Variants in AGAP5 observed in about 807,000 individuals in gnomAD.
The protein encoded by AGAP5 is arf-GAP with GTPase, ANK repeat and PH domain-containing protein 5.
AGAP5 carries 8 observed loss-of-function variants against 27.7 expected under a neutral mutation model. The observed-to-expected ratio is 0.29, with a 90% CI of 0.17 to 0.52. The LOEUF (loss-of-function observed/expected upper bound fraction) is 0.52. Among genes scored for constraint, AGAP5 ranks in the 20% least tolerant of loss-of-function variants. The pLI is 0.97. For synonymous variants in AGAP5, 111 were observed against 338.0 expected, an observed-to-expected ratio of 0.33 and a Z score of 7.37; for missense variants, 285 against 880.8, an observed-to-expected ratio of 0.32 and a Z score of 8.56.
At chr10:73,679,185 C>CA (rs1326680158) in intron 6 of AGAP5, among the ~76,000 whole-genome samples, 1 of 150,842 alleles carries the variant, frequency 6.6e-6, no homozygotes, top group African/African-American at 2.4e-5. Flanking sequence ...TTTGTTTAGA[C>CA]AGAGTCTTGC....
At chr10:73,689,727 A>T (rs2082098848) in intron 4 of AGAP5, among the ~76,000 whole-genome samples, 1 of 140,514 alleles carries the variant, frequency 7.1e-6, no homozygotes, top group African/African-American at 2.7e-5. Context: ...GCCCCGTCTG[A>T]GAAGTGAGGA....
chr10:73,676,853 T>C (rs2081984336), intron 6 of AGAP5, 83 bp from the exon 7 acceptor site: 4 of 800,378 alleles, frequency 5.0e-6, no homozygotes, highest in Admixed American at 2.2e-5. Context: ...TCCTCCTGTG[T>C]GCTTTGGTGT....
intron 2 of AGAP5, among the ~76,000 whole-genome samples, chr10:73,696,307 C>G (rs527674191): frequency 6.6e-6 from 1 of 152,252 alleles, no homozygotes; most frequent in South Asian, 2.1e-4. Flanking sequence ...CGTGAGCCAC[C>G]AAGCCCAGCC....
intron 4 of AGAP5, among the ~76,000 whole-genome samples, chr10:73,685,724 T>C (rs2082057955): frequency 6.6e-6 from 1 of 152,074 alleles, no homozygotes; most frequent in Non-Finnish European, 1.5e-5. Flanking sequence ...GGCTAACTTT[T>C]GTATTTTTAG....
intron 4 of AGAP5, among the ~76,000 whole-genome samples, chr10:73,688,856 C>T (rs1032993817): frequency 2.0e-5 from 3 of 152,144 alleles, no homozygotes; most frequent in Non-Finnish European, 4.4e-5. Flanking sequence ...ATAACTAAAA[C>T]CTGGTTGTAA....
chr10:73,692,398 C>T (rs965480244), intron 3 of AGAP5, among the ~76,000 whole-genome samples: 1 of 152,078 alleles, frequency 6.6e-6, no homozygotes, highest in Non-Finnish European at 1.5e-5. Context: ...CATATATGAG[C>T]CATGATCCAT....
intron 6 of AGAP5, among the ~76,000 whole-genome samples, chr10:73,679,004 C>T (rs1234965671): frequency 6.6e-6 from 1 of 151,020 alleles, no homozygotes; most frequent in African/African-American, 2.4e-5. Flanking sequence ...CAGGCATGCA[C>T]TACCATGCCC....
intron 4 of AGAP5, among the ~76,000 whole-genome samples, chr10:73,685,940 A>G (rs1256625170): frequency 6.6e-6 from 1 of 152,198 alleles, no homozygotes; most frequent in Non-Finnish European, 1.5e-5. Context: ...CCCCATGCTC[A>G]TGAATGGGTA....
chr10:73,693,128 C>T (rs995586903), intron 3 of AGAP5, among the ~76,000 whole-genome samples: 7 of 152,156 alleles, frequency 4.6e-5, no homozygotes, highest in African/African-American at 1.7e-4. Context: ...GGCAAAAGTT[C>T]CTACCACTGA....
chr10:73,680,609 T>G (rs2082017800), intron 5 of AGAP5, among the ~76,000 whole-genome samples: 1 of 107,930 alleles, frequency 9.3e-6, no homozygotes, highest in African/African-American at 3.5e-5. Context: ...GGTGGGTGGG[T>G]GGAGTTTCGC....
intron 4 of AGAP5, among the ~76,000 whole-genome samples, chr10:73,686,134 G>A (rs1165416876): frequency 1.3e-5 from 2 of 152,168 alleles, no homozygotes; most frequent in Non-Finnish European, 2.9e-5. Flanking sequence ...CTGGAGGCAT[G>A]ACATTACCTG....
At chr10:73,688,513 TAAA>T (rs965875181) in intron 4 of AGAP5, among the ~76,000 whole-genome samples, 1 of 143,894 alleles carries the variant, frequency 6.9e-6, no homozygotes, top group Admixed American at 6.9e-5. Flanking sequence ...GAGCAAAACT[TAAA>T]AAAAAAACCT....
Position 73,698,019 on chromosome 10 carries a change from G to T in AGAP5, c.-264C>A. 7.0e-7 allele frequency: 1 copy of T among 1,430,298 alleles called. No individual in the cohort carries two copies. Among genetic ancestry groups the T allele is most frequent in the Non-Finnish European group, 9.1e-7 (1 of 1,095,288 alleles). The allele number at this position is 1,430,298 out of a possible 1,614,324, so 88.6% of individuals were successfully genotyped here. A position where few individuals can be genotyped will look rare whatever the true frequency, so the allele number is the denominator to read the frequency against. On this transcript the variant is annotated 5_prime_UTR_variant, in exon 1 of 8. Transcript: ENST00000374094. The stretch of plus-strand genomic sequence containing the variant: ...GAAGACCAGCTGGCTTATTTAATAG[G>T]TTGTGAACCCAACAAGCGCTGAGAG...
In AGAP5 at chr10:73,697,751, C is replaced by T; in HGVS notation, c.5G>A (p.Gly2Glu). 1 of 1,597,628 alleles carries T rather than the reference C, an allele frequency of 6.3e-7. No individual in the cohort carries two copies. Among genetic ancestry groups the T allele is most frequent in the East Asian group, 2.2e-5 (1 of 44,878 alleles). M[G>E]NILTCCVHPS... ...GTGCACACAACAGGTCAGTATGTTC[C>T]CCATGGGGCGCCTCTACTGTCTGCC... The change falls in exon 1 of 8, where the codon GGG (glycine) becomes GAG (glutamate). Residue 2 changes from glycine (G) to glutamate (E), a missense_variant. Gly to Glu is a moderately conservative substitution (Grantham distance 98). Transcript: ENST00000374094.
At chr10:73,696,242 TCCTGA>T (rs1486823543) in intron 2 of AGAP5, among the ~76,000 whole-genome samples, 9 of 152,290 alleles carry the variant, frequency 5.9e-5, no homozygotes, top group African/African-American at 1.9e-4. Flanking sequence ...GGTCTCGAAC[TCCTGA>T]CCTCAGGTGA....
intron 3 of AGAP5, among the ~76,000 whole-genome samples, chr10:73,692,646 T>G (rs1208971979): frequency 5.6e-5 from 8 of 142,526 alleles, no homozygotes; most frequent in Non-Finnish European, 7.7e-5. Context: ...TTTTTTTTTT[T>G]TTTTTTTTTT....
At chr10:73,692,925 G>A (rs560046169) in intron 3 of AGAP5, among the ~76,000 whole-genome samples, 1 of 152,066 alleles carries the variant, frequency 6.6e-6, no homozygotes, top group Non-Finnish European at 1.5e-5. Flanking sequence ...GATTACAGGT[G>A]TAAGCCACAG....
At chr10:73,687,534 G>A (rs188844405) in intron 4 of AGAP5, among the ~76,000 whole-genome samples, 79 of 152,336 alleles carry the variant, frequency 5.2e-4, no homozygotes, top group Admixed American at 1.0e-3. Flanking sequence ...CAGGAAAACA[G>A]CTCCATATAT....
Position 73,697,876 on chromosome 10 carries a change from G to A in AGAP5, c.-121C>T. ...GAGATGGTCTTCCCGCTCCTCGCCT[G>A]CCCACCTCACAGCGCGGCCCCGGGC... On this transcript the variant is annotated 5_prime_UTR_variant, in exon 1 of 8. Transcript: ENST00000374094. 1 of 1,544,148 alleles carries A rather than the reference G, an allele frequency of 6.5e-7. No individual in the cohort carries two copies. The highest frequency in any genetic ancestry group is 8.7e-7 in the Non-Finnish European group (1 of 1,151,154).
Sources: gnomAD v4.1 joint callset for allele counts (sites outside exome capture counted in the v4.1 genomes callset) on GRCh38, gnomAD v4.1.1 for gene constraint, MANE v1.5 for transcripts, NCBI Gene and HGNC (gene_info 2026-07-23, HGNC 2026-07-21) for gene names.